Variants in SOS1 observed in about 807,000 individuals in gnomAD.
SOS1 encodes the protein SOS Ras/Rac guanine nucleotide exchange factor 1, also known as son of sevenless homolog 1.
In SOS1, 25 loss-of-function variants were observed where a neutral mutation model predicts 157.6. The observed-to-expected ratio is 0.16, with a 90% confidence interval of 0.12 to 0.22. The LOEUF is 0.22. Ranked by LOEUF, SOS1 falls within the 10% of genes least tolerant of loss-of-function variation. The probability of loss-of-function intolerance (pLI) is 1.00; values close to 1 mark genes in which losing one functional copy is unlikely to be tolerated. For missense variants in SOS1, 1,237 were observed against 1,599.1 expected, an observed-to-expected ratio of 0.77 and a Z score of 3.86; for synonymous variants, 528 against 534.0, an observed-to-expected ratio of 0.99 and a Z score of 0.16.
Position 38,985,882 on chromosome 2 carries a change from G to A in SOS1, c.3944C>T (p.Thr1315Ile), listed in dbSNP as rs779904535. Reference protein sequence around the residue: ...LPPKTYKREHTHPSMHRDGPP... With the variant: ...LPPKTYKREHIHPSMHRDGPP... The stretch of plus-strand genomic sequence containing the variant: ...TCCATCTCTGTGCATGGATGGGTGT[G>A]TGTGCTCCCTTTTGTAAGTTTTTGG... The change falls in exon 23 of 23, where the codon ACA becomes ATA. Residue 1315 changes from threonine (T) to isoleucine (I), a missense_variant. By Grantham distance (89) the Thr-to-Ile change is moderately conservative (BLOSUM62 -1). Transcript: ENST00000402219. 2.5e-6 allele frequency: 4 copies of A among 1,613,906 alleles called. No individual in the cohort carries two copies. The highest frequency in any genetic ancestry group is 3.4e-6 in the Non-Finnish European group (4 of 1,179,856).
At chr2:39,111,889 C>A (rs1673450335) in intron 1 of SOS1, among the ~76,000 whole-genome samples, 1 of 152,098 alleles carries the variant, frequency 6.6e-6, no homozygotes, top group African/African-American at 2.4e-5. Flanking sequence ...ACCACCACAT[C>A]CAGATAATTT....
At chr2:39,003,868 ATACT>A (rs1029866426) in intron 17 of SOS1, among the ~76,000 whole-genome samples, 1 of 152,176 alleles carries the variant, frequency 6.6e-6, no homozygotes, top group Non-Finnish European at 1.5e-5. Context: ...TTTGGACTGG[ATACT>A]TACTTATTGG....
At chr2:39,123,842 G>A (rs908994202), upstream of SOS1, among the ~76,000 whole-genome samples, 3 of 152,194 alleles carry the variant, frequency 2.0e-5, no homozygotes, top group South Asian at 4.1e-4. Context: ...GGGTGTGCAG[G>A]TAAAAAGCGT....
chr2:39,003,066 C>CAAAAAAAAAAAAAAAAAA (rs57338404), intron 17 of SOS1, among the ~76,000 whole-genome samples: 1 of 72,306 alleles, frequency 1.4e-5, no homozygotes, highest in African/African-American at 4.0e-5. Flanking sequence ...GACCTTGTAT[C>CAAAAAAAAAAAAAAAAAA]AAAAAAAAAA....
At chr2:38,994,108 TA>T (rs1668817638) in intron 20 of SOS1, among the ~76,000 whole-genome samples, 1 of 152,206 alleles carries the variant, frequency 6.6e-6, no homozygotes, top group African/African-American at 2.4e-5. Context: ...GCTGTAAGTG[TA>T]AAATGCACGC....
intron 2 of SOS1, among the ~76,000 whole-genome samples, chr2:39,061,428 C>T (rs577184295): frequency 1.7e-4 from 26 of 152,082 alleles, no homozygotes; most frequent in Non-Finnish European, 3.5e-4. Flanking sequence ...CGATCTATCA[C>T]CCGAGCTGGA....
At chr2:39,075,065 T>C (rs1489152967) in intron 1 of SOS1, among the ~76,000 whole-genome samples, 1 of 152,118 alleles carries the variant, frequency 6.6e-6, no homozygotes, top group Non-Finnish European at 1.5e-5. Context: ...CGGACATCAT[T>C]GGACTGTTTG....
chr2:39,023,975 G>GA (rs777513611), intron 9 of SOS1, 35 bp downstream of exon 9: 6 of 1,496,872 alleles, frequency 4.0e-6, no homozygotes, highest in African/African-American at 2.8e-5. Flanking sequence ...AATATTCAGG[G>GA]AAAAAAGGAT....
intron 20 of SOS1, chr2:38,992,213 T>C (rs892934170): frequency 6.6e-6 from 1 of 150,582 alleles, no homozygotes; most frequent in African/African-American, 2.5e-5. Flanking sequence ...GACAAAAGCA[T>C]GTGGAGAAGA....
chr2:39,093,719 A>G (rs1386886307), intron 1 of SOS1, among the ~76,000 whole-genome samples: 1 of 152,208 alleles, frequency 6.6e-6, no homozygotes, highest in Non-Finnish European at 1.5e-5. Flanking sequence ...TCAGAGAGAT[A>G]GTAGGAGGCC....
chr2:39,076,776 G>C (rs981963216), intron 1 of SOS1, among the ~76,000 whole-genome samples: 2 of 152,092 alleles, frequency 1.3e-5, no homozygotes, highest in Non-Finnish European at 2.9e-5. Context: ...AACATTGTCT[G>C]GAGGTCCTAG....
intron 6 of SOS1, among the ~76,000 whole-genome samples, chr2:39,041,501 G>A (rs752453467): frequency 6.6e-6 from 1 of 151,936 alleles, no homozygotes; most frequent in Non-Finnish European, 1.5e-5. Flanking sequence ...TTTCTTGATG[G>A]TGTCCTTTGA....
At chr2:39,093,629 G>C (rs1415108332) in intron 1 of SOS1, among the ~76,000 whole-genome samples, 1 of 152,204 alleles carries the variant, frequency 6.6e-6, no homozygotes, top group Admixed American at 6.5e-5. Context: ...AGAGACACGA[G>C]ATTGTTTAGA....
upstream of SOS1, among the ~76,000 whole-genome samples, chr2:39,123,070 G>T (rs1572909176): frequency 6.6e-6 from 1 of 152,072 alleles, no homozygotes. Flanking sequence ...CCACACTCCA[G>T]TCACAGTAGC....
In SOS1 at chr2:38,985,732, C is replaced by A; in HGVS notation, c.*92G>T. 69 of 1,353,236 alleles carry A rather than the reference C, an allele frequency of 5.1e-5. No individual in the cohort carries two copies. The highest frequency in any genetic ancestry group is 2.2e-4 in the Middle Eastern group (1 of 4,492). 83.8% of individuals were successfully genotyped at this position (1,353,236 alleles called of 1,614,324 possible). A position where few individuals can be genotyped will look rare whatever the true frequency, so the allele number is the denominator to read the frequency against. Reference sequence around the variant, plus strand: ...AAGAGTCGTTAGTGTTTGGAGTTCTCATTTTAACTCCTCAGTGCTGGCACA... The same window carrying A: ...AAGAGTCGTTAGTGTTTGGAGTTCTAATTTTAACTCCTCAGTGCTGGCACA... On this transcript the variant is annotated 3_prime_UTR_variant, in exon 23 of 23. Coordinates refer to ENST00000402219, the MANE Select transcript of SOS1 (RefSeq NM_005633.4).
chr2:39,081,675 A>T (rs1672204993), intron 1 of SOS1, among the ~76,000 whole-genome samples: 1 of 151,738 alleles, frequency 6.6e-6, no homozygotes, highest in East Asian at 1.9e-4. Context: ...AAATACAAAA[A>T]TTAGCCAGGC....
intron 1 of SOS1, among the ~76,000 whole-genome samples, chr2:39,076,700 A>G (rs1181875635): frequency 6.6e-6 from 1 of 152,220 alleles, no homozygotes; most frequent in African/African-American, 2.4e-5. Flanking sequence ...CAATAGTGCA[A>G]TACTAAAAGA....
At chr2:39,034,574 TTTTA>T (rs551850851) in intron 8 of SOS1, among the ~76,000 whole-genome samples, 1 of 152,344 alleles carries the variant, frequency 6.6e-6, no homozygotes, top group African/African-American at 2.4e-5. Flanking sequence ...TTATACAGAC[TTTTA>T]TTTAATTTCA....
At chr2:39,053,968 C>T (rs1171966133) in intron 5 of SOS1, among the ~76,000 whole-genome samples, 1 of 151,936 alleles carries the variant, frequency 6.6e-6, no homozygotes, top group East Asian at 1.9e-4. Flanking sequence ...CGCTCTGTCG[C>T]CCAGGCTGGA....
Sources: allele counts gnomAD v4.1 joint callset (sites outside exome capture counted in the v4.1 genomes callset), GRCh38; gene constraint gnomAD v4.1.1; transcripts MANE v1.5; gene names NCBI Gene and HGNC (gene_info 2026-07-23, HGNC 2026-07-21).